The following ARHGAP22 variants were observed in gnomAD, a reference collection of about 807,000 sequenced individuals.
ARHGAP22 encodes the protein Rho GTPase activating protein 22.
Under a neutral mutation model 59.1 loss-of-function variants are expected in ARHGAP22, and 48 were observed. That is an observed-to-expected ratio of 0.81 (90% CI 0.64 to 1.03). ARHGAP22 has a LOEUF of 1.03. Ranked by LOEUF, ARHGAP22 falls within the 50% of genes least tolerant of loss-of-function variation. The pLI, the probability that ARHGAP22 is intolerant of heterozygous loss-of-function variation, is 0.00. For missense variants in ARHGAP22, 1,015 were observed against 958.7 expected, an observed-to-expected ratio of 1.06 and a Z score of -0.78; for synonymous variants, 445 against 416.4, an observed-to-expected ratio of 1.07 and a Z score of -0.84.
chr10:48,614,316 A>C (rs562827060), intron 1 of ARHGAP22, among the ~76,000 whole-genome samples: 27 of 152,332 alleles, frequency 1.8e-4, no homozygotes, highest in Admixed American at 9.8e-4. Flanking sequence ...GATTTGGCAA[A>C]GGAGAGTTGT....
chr10:48,535,864 T>C (rs757264626), intron 3 of ARHGAP22, among the ~76,000 whole-genome samples: 21 of 152,188 alleles, frequency 1.4e-4, no homozygotes, highest in Non-Finnish European at 2.6e-4. Context: ...GAATGGCACA[T>C]GGCAAATGCC....
At chr10:48,481,079 G>GAA (rs2049269534) in intron 3 of ARHGAP22, among the ~76,000 whole-genome samples, 1 of 151,748 alleles carries the variant, frequency 6.6e-6, no homozygotes, top group Non-Finnish European at 1.5e-5. Context: ...CCTTCACTAC[G>GAA]CAGATAAGCC....
chr10:48,441,618 A>AT (rs1176393628), downstream of ARHGAP22, among the ~76,000 whole-genome samples: 11 of 151,864 alleles, frequency 7.2e-5, no homozygotes, highest in East Asian at 1.4e-3. Flanking sequence ...CACCCGGCTA[A>AT]TTTTTTTGTA....
rs999888416 is a variant in ARHGAP22, at chr10:48,505,467, T to C, written c.323-25703A>G. Among the ~76,000 whole-genome samples, 11 of 152,228 alleles carry C rather than the reference T, an allele frequency of 7.2e-5. No individual in the cohort carries two copies. In the East Asian group the frequency reaches 1.9e-3, roughly 27 times the overall value. On this transcript the variant is annotated intron_variant, in intron 3 of 9. Transcript: ENST00000249601. ...CGTCCAGCAGCTCCAAAAATACAGATGCAGGAGTCCCGTGCGCCTGACTCT... is the reference window on the plus strand; with the variant it reads ...CGTCCAGCAGCTCCAAAAATACAGACGCAGGAGTCCCGTGCGCCTGACTCT...
At chr10:48,537,135 A>T (rs2055437031) in intron 3 of ARHGAP22, among the ~76,000 whole-genome samples, 1 of 152,242 alleles carries the variant, frequency 6.6e-6, no homozygotes, top group South Asian at 2.1e-4. Context: ...AGCTTCTCTT[A>T]ATTTTTAAAA....
At chr10:48,460,412 A>G (rs1325089081) in intron 4 of ARHGAP22, among the ~76,000 whole-genome samples, 1 of 152,204 alleles carries the variant, frequency 6.6e-6, no homozygotes, top group African/African-American at 2.4e-5. Context: ...GAAAATGCAA[A>G]TCCAAACCAC....
chr10:48,634,085 G>A (rs1210167930), intron 1 of ARHGAP22, among the ~76,000 whole-genome samples: 1 of 152,224 alleles, frequency 6.6e-6, no homozygotes, highest in Non-Finnish European at 1.5e-5. Context: ...GTTGAGAGAA[G>A]CCAGTTTGCA....
At chr10:48,582,893 T>C (rs1395736875) in intron 2 of ARHGAP22, 60 bp downstream of exon 2, 1 of 1,580,942 alleles carries the variant, frequency 6.3e-7, no homozygotes, top group East Asian at 2.2e-5. Context: ...CTGGGCATGG[T>C]CTTCCCTCTT....
intron 1 of ARHGAP22, among the ~76,000 whole-genome samples, chr10:48,611,864 CTCCCCTCCCCTCCCCTCCCCTCCCG>C (rs2060904848): frequency 4.2e-4 from 7 of 16,626 alleles, no homozygotes; most frequent in Non-Finnish European, 8.1e-4. Context: ...TTCCCCTCCC[CTCCCCTCCCCTCCCCTCCCCTCCCG>C]TCCCCTTCAC....
upstream of ARHGAP22, chr10:48,605,163 C>T (rs2060616045): frequency 2.9e-6 from 3 of 1,049,964 alleles, no homozygotes; most frequent in Non-Finnish European, 2.3e-6. Flanking sequence ...CCGAGAGGGG[C>T]GGGGCCAGCC....
At chr10:48,615,468 TC>T (rs2061043468) in intron 1 of ARHGAP22, among the ~76,000 whole-genome samples, 1 of 152,146 alleles carries the variant, frequency 6.6e-6, no homozygotes, top group South Asian at 2.1e-4. Context: ...CAACAACAGA[TC>T]CTGGAAAGAA....
At chr10:48,503,659 G>A (rs2051773115) in intron 3 of ARHGAP22, among the ~76,000 whole-genome samples, 1 of 152,242 alleles carries the variant, frequency 6.6e-6, no homozygotes, top group East Asian at 1.9e-4. Context: ...AGGCCACTGG[G>A]TGAACCTCCC....
At chr10:48,520,844 C>A (rs189660831) in intron 3 of ARHGAP22, among the ~76,000 whole-genome samples, 160 of 152,230 alleles carry the variant, frequency 1.1e-3, no homozygotes, top group African/African-American at 3.7e-3. Context: ...AGAATGAGCA[C>A]GTGTCAGGAT....
Position 48,446,042 on chromosome 10 carries a change from G to A in ARHGAP22, c.*349C>T, listed in dbSNP as rs948280951. ...GCCAGGTAACAAGGCACCATGCTTTGTGAGCACATTTAATAAAGAAAGCTG... is the reference window on the plus strand; with the variant it reads ...GCCAGGTAACAAGGCACCATGCTTTATGAGCACATTTAATAAAGAAAGCTG... On this transcript the variant is annotated 3_prime_UTR_variant, in exon 10 of 10. Coordinates refer to ENST00000249601, the MANE Select transcript of ARHGAP22 (RefSeq NM_021226.4). The A allele has an allele frequency of 9.1e-6, 3 of 329,788 alleles. No homozygotes were observed. Among genetic ancestry groups the A allele is most frequent in the Non-Finnish European group, 1.7e-5 (3 of 180,484 alleles). 20.4% of individuals were successfully genotyped at this position (329,788 alleles called of 1,614,324 possible). A position where few individuals can be genotyped will look rare whatever the true frequency, so the allele number is the denominator to read the frequency against.
chr10:48,602,232 C>T (rs1040395260), intron 1 of ARHGAP22, among the ~76,000 whole-genome samples: 4 of 152,102 alleles, frequency 2.6e-5, no homozygotes, highest in Non-Finnish European at 5.9e-5. Context: ...CTCCCCACCC[C>T]CAAAGTATTG....
chr10:48,494,734 T>C (rs964441244), intron 3 of ARHGAP22, among the ~76,000 whole-genome samples: 2 of 152,192 alleles, frequency 1.3e-5, no homozygotes, highest in African/African-American at 4.8e-5. Context: ...GGGCCTACTG[T>C]TCTTGGAATA....
chr10:48,626,848 G>A (rs1169486315), intron 1 of ARHGAP22, among the ~76,000 whole-genome samples: 1 of 152,204 alleles, frequency 6.6e-6, no homozygotes, highest in Non-Finnish European at 1.5e-5. Flanking sequence ...AGGTTAAGGA[G>A]GTGACTGTGG....
At chr10:48,578,978 A>C (rs1564922779) in intron 2 of ARHGAP22, among the ~76,000 whole-genome samples, 1 of 151,246 alleles carries the variant, frequency 6.6e-6, no homozygotes, top group Admixed American at 6.6e-5. Flanking sequence ...CCAATCTCAC[A>C]CTTTCTATTT....
upstream of ARHGAP22, among the ~76,000 whole-genome samples, chr10:48,606,842 C>A (rs2060697141): frequency 6.6e-6 from 1 of 152,182 alleles, no homozygotes; most frequent in South Asian, 2.1e-4. Context: ...TATCTATGTC[C>A]CTGTACTGCC....
Sources: allele counts gnomAD v4.1 joint callset (sites outside exome capture counted in the v4.1 genomes callset), GRCh38; gene constraint gnomAD v4.1.1; transcripts MANE v1.5; gene names NCBI Gene and HGNC (gene_info 2026-07-23, HGNC 2026-07-21).